The following DCAF12 variants were observed in gnomAD, a reference collection of about 807,000 sequenced individuals.
DCAF12 encodes the protein DDB1 and CUL4 associated factor 12.
In DCAF12, 28 loss-of-function variants were observed where a neutral mutation model predicts 52.8. The observed-to-expected ratio is 0.53, with a 90% CI of 0.39 to 0.73. The LOEUF (loss-of-function observed/expected upper bound fraction) is 0.73. DCAF12 is among the 30% of genes least tolerant of loss of function. The probability of loss-of-function intolerance (pLI) is 0.00; values close to 1 mark genes in which losing one functional copy is unlikely to be tolerated. For synonymous variants in DCAF12, 196 were observed against 215.5 expected (o/e 0.91, Z 0.79); for missense variants, 425 against 552.2 (o/e 0.77, Z 2.31).
intron 6 of DCAF12, chr9:34,095,984 G>C (rs1030871677): frequency 3.3e-5 from 5 of 152,106 alleles, no homozygotes; most frequent in Admixed American, 2.0e-4. Flanking sequence ...AGACTTTCCT[G>C]CAAGAGAGGC....
At chr9:34,118,453 C>T (rs905969416) in intron 2 of DCAF12, among the ~76,000 whole-genome samples, 1 of 152,040 alleles carries the variant, frequency 6.6e-6, no homozygotes, top group African/African-American at 2.4e-5. Context: ...TTTCTATATA[C>T]TCAAGGATGC....
At chr9:34,112,784 G>A (rs920054749) in intron 2 of DCAF12, among the ~76,000 whole-genome samples, 15 of 152,072 alleles carry the variant, frequency 9.9e-5, no homozygotes, top group African/African-American at 3.6e-4. Context: ...TGTAATCCTA[G>A]CTACTCGGGA....
At position 34,093,456 on chromosome 9, in the gene DCAF12, T is replaced by G. The variant is rs199806600; in HGVS notation, c.862-8A>C. 1.2e-6 allele frequency: 2 copies of G among 1,613,610 alleles called. No homozygotes were observed. Among genetic ancestry groups the G allele is most frequent in the East Asian group, 4.5e-5 (2 of 44,856 alleles). Reference sequence around the variant, plus strand: ...CAGTTTGGTGGAGAGGAGCTGAAAATAGAGGAGAGATATAACCATGGCATC... The same window carrying G: ...CAGTTTGGTGGAGAGGAGCTGAAAAGAGAGGAGAGATATAACCATGGCATC... On this transcript the variant is annotated splice_polypyrimidine_tract_variant and splice_region_variant and intron_variant, in intron 6 of 8. Transcript: ENST00000361264.
intron 6 of DCAF12, 59 bp downstream of exon 6, chr9:34,096,657 C>T (rs1366866099): frequency 7.0e-7 from 1 of 1,418,958 alleles, no homozygotes; most frequent in Non-Finnish European, 9.8e-7. Flanking sequence ...GCTAGAATTA[C>T]AGTATTTTAA....
chr9:34,111,149 C>T (rs961280911), intron 2 of DCAF12, among the ~76,000 whole-genome samples: 2 of 151,990 alleles, frequency 1.3e-5, no homozygotes, highest in African/African-American at 2.4e-5. Flanking sequence ...CCACGCCCAG[C>T]TAATTTTTAT....
At position 34,125,159 on chromosome 9, in the gene DCAF12, A is replaced by G. The variant is rs141689215; in HGVS notation, c.197T>C (p.Val66Ala). Residue 66 changes from valine (V) to alanine (A), a missense_variant, in exon 2 of 9, where the codon GTG (valine) becomes GCG (alanine). Around this residue, in one of 3 missense-constraint regions of DCAF12, gnomAD observed 89 missense variants for 84.9 expected, o/e 1.05. Coordinates refer to ENST00000361264, the MANE Select transcript of DCAF12 (RefSeq NM_015397.4). ...RLQNETSYSR[V>A]LHGYAAQQLP... ...TTGCTGTGCTGCATAACCATGCAAC[A>G]CTCGAGAGTAGCTGGTTTCATTCTG... 1.1e-4 allele frequency: 183 copies of G among 1,613,986 alleles called. No homozygotes were observed. The highest frequency in any genetic ancestry group is 1.5e-4 in the Non-Finnish European group (177 of 1,180,026).
chr9:34,103,534 T>C (rs1291958582), intron 4 of DCAF12, among the ~76,000 whole-genome samples: 1 of 152,082 alleles, frequency 6.6e-6, no homozygotes, highest in Non-Finnish European at 1.5e-5. Flanking sequence ...AGGGTTATAT[T>C]ATATCCATAA....
At chr9:34,123,123 A>C (rs1829200022) in intron 2 of DCAF12, among the ~76,000 whole-genome samples, 1 of 152,222 alleles carries the variant, frequency 6.6e-6, no homozygotes, top group Non-Finnish European at 1.5e-5. Context: ...GCTGGGGCCA[A>C]GAAATCTGGG....
At chr9:34,097,832 C>G (rs1828759940) in intron 5 of DCAF12, among the ~76,000 whole-genome samples, 1 of 151,562 alleles carries the variant, frequency 6.6e-6, no homozygotes, top group South Asian at 2.1e-4. Flanking sequence ...ACTTGAGAAT[C>G]TGAGGCAGAA....
chr9:34,098,319 C>T lies in DCAF12; in HGVS notation c.795+5G>A. 1 of 1,613,226 alleles carries T rather than the reference C, an allele frequency of 6.2e-7. No homozygotes were observed. The stretch of plus-strand genomic sequence containing the variant: ...CACGTCAGGGATCCCTACACAAGTT[C>T]ATACCTTGTTCTTGTTGTTGAAGGC... On this transcript the variant is annotated splice_donor_5th_base_variant and intron_variant, in intron 5 of 8. Coordinates refer to ENST00000361264, the MANE Select transcript of DCAF12 (RefSeq NM_015397.4).
At chr9:34,089,386 GTCA>G (rs1828609301) in intron 8 of DCAF12, 23 bp downstream of exon 8, 1 of 1,598,728 alleles carries the variant, frequency 6.3e-7, no homozygotes, top group Non-Finnish European at 8.5e-7. Flanking sequence ...CTGTGTAGCA[GTCA>G]TCTCAGGTAG....
intron 2 of DCAF12, 120 bp downstream of exon 2, chr9:34,124,898 TGGAAA>T (rs1829223247): frequency 1.6e-6 from 2 of 1,230,438 alleles, no homozygotes; most frequent in Non-Finnish European, 2.3e-6. Flanking sequence ...CGGGAAAGAA[TGGAAA>T]GGAGAGTAAG....
chr9:34,107,527 C>A lies in DCAF12; in HGVS notation c.372G>T (p.Lys124Asn). The A allele has an allele frequency of 6.2e-7, 1 of 1,614,148 alleles. No homozygotes were observed. The change falls in exon 3 of 9, where the codon AAG becomes AAT. Residue 124 changes from lysine (K) to asparagine (N), a missense_variant. Coordinates refer to ENST00000361264, the MANE Select transcript of DCAF12 (RefSeq NM_015397.4). ...GCTCCCGGTCTTTCAGAATGGGGAT[C>A]TTGGTGATCTGGCTTGTCTGGACAT... Reference protein sequence around the residue: ...VVDVQTSQITKIPILKDREPG... With the variant: ...VVDVQTSQITNIPILKDREPG...
chr9:34,115,716 G>A (rs1488762406), intron 2 of DCAF12, among the ~76,000 whole-genome samples: 2 of 151,930 alleles, frequency 1.3e-5, no homozygotes, highest in African/African-American at 4.8e-5. Context: ...AGGAACTAGT[G>A]ATGGGTGAAC....
In DCAF12 at chr9:34,124,976, A is replaced by C. The variant is rs368609213; in HGVS notation, c.333+47T>G. On this transcript the variant is annotated intron_variant, in intron 2 of 8. Transcript: ENST00000361264. ...CAGAGGTTCTAGAGCAAGTGGAGCA[A>C]TATATCCACGACCTAGGAGAGAGGT... is the stretch of plus-strand genomic sequence containing the variant. The C allele has an allele frequency of 1.3e-5, 20 of 1,599,550 alleles. No individual in the cohort carries two copies. In the African/African-American group the frequency reaches 2.7e-4, roughly 21 times the overall value.
intron 7 of DCAF12, among the ~76,000 whole-genome samples, chr9:34,092,579 G>T (rs963083588): frequency 6.6e-6 from 1 of 151,832 alleles, no homozygotes; most frequent in African/African-American, 2.4e-5. Context: ...CCACCTACTC[G>T]CGAGGCTGAG....
intron 1 of DCAF12, 85 bp downstream of exon 1, chr9:34,126,269 C>A: frequency 1.3e-6 from 2 of 1,528,308 alleles, no homozygotes; most frequent in East Asian, 2.3e-5. Flanking sequence ...CCCTGGACCC[C>A]GATTCCCGTC....
In DCAF12 at chr9:34,126,451, GC is replaced by G; in HGVS notation, c.-21del. The G allele has an allele frequency of 6.3e-7, 1 of 1,599,908 alleles. No homozygotes were observed. ...GGCCATAGTGGGCAGCGCCGCCGCG[GC>G]CCCGCAGCCACATGGGGCGGGGGAA... On this transcript the variant is annotated 5_prime_UTR_variant, in exon 1 of 9. Coordinates refer to ENST00000361264, the MANE Select transcript of DCAF12 (RefSeq NM_015397.4).
intron 5 of DCAF12, among the ~76,000 whole-genome samples, chr9:34,097,549 C>A (rs929166435): frequency 2.0e-5 from 3 of 151,674 alleles, no homozygotes; most frequent in Non-Finnish European, 2.9e-5. Flanking sequence ...AGTCACTGCG[C>A]CTGGGTGACA....
Sources: gnomAD v4.1 joint callset for allele counts (sites outside exome capture counted in the v4.1 genomes callset) on GRCh38, gnomAD v4.1.1 for gene constraint, gnomAD v4.1.1 regional missense constraint, MANE v1.5 for transcripts, NCBI Gene and HGNC (gene_info 2026-07-23, HGNC 2026-07-21) for gene names.